Variants in GSTCD observed in about 807,000 individuals in gnomAD.
The protein encoded by GSTCD is glutathione S-transferase C-terminal domain containing.
Under a neutral mutation model 68.3 loss-of-function variants are expected in GSTCD, and 44 were observed. The observed-to-expected ratio is 0.64, with a 90% CI of 0.51 to 0.83. The LOEUF is 0.83. Ranked by LOEUF, GSTCD falls within the 40% of genes least tolerant of loss-of-function variation. The pLI is 0.00. For synonymous variants in GSTCD, 273 were observed against 255.2 expected, an observed-to-expected ratio of 1.07 and a Z score of -0.67; for missense variants, 739 against 735.9, an observed-to-expected ratio of 1.00 and a Z score of -0.05.
intron 5 of GSTCD, among the ~76,000 whole-genome samples, chr4:105,748,673 A>G (rs1388339005): frequency 6.6e-6 from 1 of 152,108 alleles, no homozygotes; most frequent in Non-Finnish European, 1.5e-5. Flanking sequence ...CTTTGGATTT[A>G]GTGCCAAAAT....
chr4:105,719,831 T>A (rs1333826751), intron 3 of GSTCD, among the ~76,000 whole-genome samples: 1 of 152,170 alleles, frequency 6.6e-6, no homozygotes, highest in Non-Finnish European at 1.5e-5. Context: ...TAACAATTGT[T>A]ATTATTAATT....
chr4:105,767,223 T>C (rs190102467), intron 5 of GSTCD, among the ~76,000 whole-genome samples: 44 of 152,282 alleles, frequency 2.9e-4, no homozygotes, highest in Admixed American at 5.9e-4. Flanking sequence ...CCGCATGTGA[T>C]TGGCTGAAAC....
intron 10 of GSTCD, among the ~76,000 whole-genome samples, chr4:105,840,683 T>G (rs894694164): frequency 5.3e-5 from 8 of 152,244 alleles, no homozygotes; most frequent in African/African-American, 1.7e-4. Context: ...TTTGGCTACA[T>G]GCAGATTTAA....
intron 11 of GSTCD, among the ~76,000 whole-genome samples, chr4:105,844,933 A>G (rs1724491288): frequency 6.6e-6 from 1 of 152,234 alleles, no homozygotes; most frequent in South Asian, 2.1e-4. Context: ...CTGAAATAAA[A>G]GGCATGTAAT....
chr4:105,816,727 A>C (rs1188807616), intron 5 of GSTCD, among the ~76,000 whole-genome samples: 2 of 152,050 alleles, frequency 1.3e-5, no homozygotes, highest in African/African-American at 4.8e-5. Context: ...CTGACATCAC[A>C]ATTAATTAAA....
intron 5 of GSTCD, among the ~76,000 whole-genome samples, chr4:105,746,911 CTTCTTTGTTGTAT>C (rs1180396006): frequency 4.6e-5 from 7 of 152,216 alleles, no homozygotes; most frequent in Non-Finnish European, 1.0e-4. Context: ...CTAGTCCCTA[CTTCTTTGTTGTAT>C]GTTTCTATAA....
At chr4:105,812,476 T>C (rs2149267626) in intron 5 of GSTCD, among the ~76,000 whole-genome samples, 1 of 152,206 alleles carries the variant, frequency 6.6e-6, no homozygotes, top group Middle Eastern at 3.4e-3. Context: ...CCAGCATTAC[T>C]GATGTGAGCC....
rs1578521896 is a variant in GSTCD at position 105,833,723 on chromosome 4, T to C, written c.1531-738T>C. 2.1e-5 allele frequency among the ~76,000 whole-genome samples: 3 copies of C among 144,598 alleles called. No individual in the cohort carries two copies. In the East Asian group the frequency reaches 5.8e-4, roughly 28 times the overall value. The allele number at this position is 144,598 out of a possible 152,430, so 94.9% of individuals were successfully genotyped here. A position where few individuals can be genotyped will look rare whatever the true frequency, so the allele number is the denominator to read the frequency against. On this transcript the variant is annotated intron_variant, in intron 8 of 11. Coordinates refer to ENST00000515279, the MANE Select transcript of GSTCD (RefSeq NM_001370181.1). ...TTTGGCCTAAGAATTTTCATAATTA[T>C]CTCATTTGTAGTAAGATTATAGTAA... is the stretch of plus-strand genomic sequence containing the variant.
At chr4:105,779,504 T>C (rs1282553756) in intron 5 of GSTCD, among the ~76,000 whole-genome samples, 1 of 152,356 alleles carries the variant, frequency 6.6e-6, no homozygotes, top group African/African-American at 2.4e-5. Context: ...ACATTTTTCA[T>C]TTTTTAGCCA....
intron 5 of GSTCD, among the ~76,000 whole-genome samples, chr4:105,818,596 A>G (rs575642479): frequency 6.6e-6 from 1 of 151,948 alleles, no homozygotes; most frequent in South Asian, 2.1e-4. Context: ...AGAGGAGCCT[A>G]TAAAGGTATT....
chr4:105,769,233 G>GCACACACACA (rs57039503), intron 5 of GSTCD, among the ~76,000 whole-genome samples: 26 of 146,338 alleles, frequency 1.8e-4, no homozygotes, highest in African/African-American at 6.3e-4. Context: ...ATACACGCGC[G>GCACACACACA]CACACACACA....
Position 105,734,243 on chromosome 4 carries a change from G to T in GSTCD, c.1240+4744G>T, listed in dbSNP as rs562366934. On this transcript the variant is annotated intron_variant, in intron 5 of 11. Coordinates refer to ENST00000515279, the MANE Select transcript of GSTCD (RefSeq NM_001370181.1). ...ATTTGAATGTTGGCCTGCCTTGCTA[G>T]GTTGGGGAAGTTCTCCTGGATAATA... Among the ~76,000 whole-genome samples, 16 of 152,266 alleles carry T rather than the reference G, an allele frequency of 1.1e-4. No homozygotes were observed. The South Asian group carries it at 3.3e-3, about 32-fold the overall frequency.
Position 105,717,696 on chromosome 4 carries a change from C to T in GSTCD, c.83C>T (p.Pro28Leu). The T allele has an allele frequency of 1.9e-6, 3 of 1,612,834 alleles. No homozygotes were observed. The highest frequency in any genetic ancestry group is 2.5e-6 in the Non-Finnish European group (3 of 1,179,150). The change falls in exon 2 of 12, where the codon CCT (proline) becomes CTT (leucine). Residue 28 changes from proline to leucine, a missense_variant. Coordinates refer to ENST00000515279, the MANE Select transcript of GSTCD (RefSeq NM_001370181.1). ...CACCAAACAGAAGGATGCATCTTTCCTCTTCATACATCTGTAACTTTATTT... is the reference window on the plus strand; with the variant it reads ...CACCAAACAGAAGGATGCATCTTTCTTCTTCATACATCTGTAACTTTATTT... Reference protein sequence around the residue: ...FSHQTEGCIFPLHTSVTLFLL... With the variant: ...FSHQTEGCIFLLHTSVTLFLL...
At chr4:105,827,576 G>A (rs567019516) in intron 8 of GSTCD, among the ~76,000 whole-genome samples, 2 of 152,222 alleles carry the variant, frequency 1.3e-5, no homozygotes, top group African/African-American at 4.8e-5. Context: ...TTGAGATATT[G>A]TCACTAGGTA....
chr4:105,728,459 T>A (rs1451099264), intron 4 of GSTCD, among the ~76,000 whole-genome samples: 1 of 152,102 alleles, frequency 6.6e-6, no homozygotes, highest in East Asian at 1.9e-4. Context: ...TGGAGGCAAA[T>A]CAGTGCTCTG....
At chr4:105,842,962 G>A (rs1373616327) in intron 11 of GSTCD, among the ~76,000 whole-genome samples, 1 of 152,128 alleles carries the variant, frequency 6.6e-6, no homozygotes, top group Non-Finnish European at 1.5e-5. Flanking sequence ...TAAGATAAGT[G>A]GGTTCAGTCA....
chr4:105,764,153 C>T (rs1734519435), intron 5 of GSTCD, among the ~76,000 whole-genome samples: 1 of 151,890 alleles, frequency 6.6e-6, no homozygotes, highest in Non-Finnish European at 1.5e-5. Flanking sequence ...CAACTGATCA[C>T]CTAATAATGT....
rs193223267 is a variant in GSTCD, at chr4:105,833,662, C to T, written c.1531-799C>T. On this transcript the variant is annotated intron_variant, in intron 8 of 11. Coordinates refer to ENST00000515279, the MANE Select transcript of GSTCD (RefSeq NM_001370181.1). The stretch of plus-strand genomic sequence containing the variant: ...GGTTATTCATCTTTTAGAATCCCCA[C>T]ATCTGATTTTCACTGAGAGTCCTAT... Among the ~76,000 whole-genome samples the T allele has an allele frequency of 3.9e-5, 6 of 152,266 alleles. No individual in the cohort carries two copies. The East Asian group carries it at 1.2e-3, about 29-fold the overall frequency.
intron 5 of GSTCD, among the ~76,000 whole-genome samples, chr4:105,799,699 G>T (rs957697526): frequency 6.6e-6 from 1 of 151,160 alleles, no homozygotes; most frequent in Non-Finnish European, 1.5e-5. Context: ...CTCCATAACA[G>T]ATATAATAAT....
Sources: allele counts gnomAD v4.1 joint callset (sites outside exome capture counted in the v4.1 genomes callset), GRCh38; gene constraint gnomAD v4.1.1; transcripts MANE v1.5; gene names NCBI Gene and HGNC (gene_info 2026-07-23, HGNC 2026-07-21).